The following CTNNA2 variants were observed in gnomAD, a reference collection of about 807,000 sequenced individuals.
CTNNA2 encodes catenin alpha 2.
A neutral mutation model predicts 101.0 loss-of-function variants in CTNNA2; 42 were observed. The ratio of observed to expected loss-of-function variants is 0.42; its 90% CI spans 0.32 to 0.54. CTNNA2 has a LOEUF of 0.54. Ranked by LOEUF, CTNNA2 falls within the 20% of genes least tolerant of loss-of-function variation. The pLI is 0.14. For missense variants in CTNNA2, 871 were observed against 1,223.1 expected, an observed-to-expected ratio of 0.71 and a Z score of 4.29; for synonymous variants, 450 against 456.4, an observed-to-expected ratio of 0.99 and a Z score of 0.18.
intron 7 of CTNNA2, among the ~76,000 whole-genome samples, chr2:80,195,499 T>C (rs965007552): frequency 6.6e-6 from 1 of 152,096 alleles, no homozygotes; most frequent in Non-Finnish European, 1.5e-5. Flanking sequence ...AAGTTTACAA[T>C]CTTAGTCCTC....
chr2:80,002,889 C>T (rs1693054860), intron 7 of CTNNA2, among the ~76,000 whole-genome samples: 1 of 152,078 alleles, frequency 6.6e-6, no homozygotes, highest in African/African-American at 2.4e-5. Flanking sequence ...CCTTTATTTC[C>T]AGCCACACAC....
At chr2:79,619,005 A>G (rs1479719878) in intron 1 of CTNNA2, among the ~76,000 whole-genome samples, 4 of 152,232 alleles carry the variant, frequency 2.6e-5, no homozygotes, top group African/African-American at 9.6e-5. Flanking sequence ...CAGTAGTTCT[A>G]GACTACCATG....
chr2:79,904,170 C>A (rs1228027165), intron 6 of CTNNA2, among the ~76,000 whole-genome samples: 2 of 152,128 alleles, frequency 1.3e-5, no homozygotes, highest in African/African-American at 4.8e-5. Context: ...TACTTTCTAC[C>A]TCTCAACTGT....
At chr2:79,762,784 A>G (rs1343490390) in intron 3 of CTNNA2, among the ~76,000 whole-genome samples, 2 of 152,198 alleles carry the variant, frequency 1.3e-5, no homozygotes, top group African/African-American at 4.8e-5. Flanking sequence ...AAAATGTGCA[A>G]TAGTATGAGC....
chr2:79,527,413 C>T (rs944048367), intron 1 of CTNNA2, among the ~76,000 whole-genome samples: 1 of 137,446 alleles, frequency 7.3e-6, no homozygotes, highest in African/African-American at 2.8e-5. Flanking sequence ...CGGTGGATCA[C>T]AAGGTCAGGA....
chr2:80,050,109 G>T (rs572403469), intron 7 of CTNNA2, among the ~76,000 whole-genome samples: 1 of 152,072 alleles, frequency 6.6e-6, no homozygotes, highest in African/African-American at 2.4e-5. Context: ...CTGCCCATTC[G>T]AGTTACCTAT....
At chr2:79,934,047 T>C (rs1055170814) in intron 7 of CTNNA2, among the ~76,000 whole-genome samples, 3 of 152,330 alleles carry the variant, frequency 2.0e-5, no homozygotes, top group East Asian at 1.9e-4. Context: ...AAGCTGTAAC[T>C]ATAAACTTTG....
At chr2:80,512,149 CAAAAA>C (rs59359924) in intron 9 of CTNNA2, among the ~76,000 whole-genome samples, 4 of 73,512 alleles carry the variant, frequency 5.4e-5, no homozygotes, top group Non-Finnish European at 6.9e-5. Context: ...CACTCTGTCT[CAAAAA>C]AAAAAAAAAA....
intron 3 of CTNNA2, among the ~76,000 whole-genome samples, chr2:79,836,127 T>C (rs978878671): frequency 6.6e-6 from 1 of 152,140 alleles, no homozygotes; most frequent in African/African-American, 2.4e-5. Flanking sequence ...CTCCTGCCAA[T>C]TGGGTTTAAT....
chr2:79,630,970 T>C (rs1185696997), intron 1 of CTNNA2, among the ~76,000 whole-genome samples: 1 of 150,482 alleles, frequency 6.6e-6, no homozygotes, highest in East Asian at 1.9e-4. Flanking sequence ...ACTTCTTCAC[T>C]GAAAGCTGGT....
chr2:80,315,826 A>C (rs1394628614), intron 7 of CTNNA2, among the ~76,000 whole-genome samples: 1 of 152,178 alleles, frequency 6.6e-6, no homozygotes, highest in Non-Finnish European at 1.5e-5. Context: ...AAATGCTTTA[A>C]AGTGATTTTT....
intron 2 of CTNNA2, among the ~76,000 whole-genome samples, chr2:79,654,687 G>A (rs1415941013): frequency 5.9e-5 from 9 of 152,020 alleles, no homozygotes; most frequent in Non-Finnish European, 2.9e-5. Flanking sequence ...CAAATTCCAG[G>A]GATTAGAATG....
intron 2 of CTNNA2, among the ~76,000 whole-genome samples, chr2:79,245,404 C>T (rs1253443624): frequency 6.6e-6 from 1 of 152,180 alleles, no homozygotes; most frequent in Non-Finnish European, 1.5e-5. Context: ...CAGCTGAGAT[C>T]GTGCCACTGC....
chr2:79,705,803 T>C (rs952916996), intron 2 of CTNNA2, among the ~76,000 whole-genome samples: 7 of 152,202 alleles, frequency 4.6e-5, no homozygotes, highest in Admixed American at 2.6e-4. Context: ...TTCTCTACTA[T>C]CTAGCACACT....
chr2:79,911,047 T>A (rs1210277007), intron 7 of CTNNA2, among the ~76,000 whole-genome samples: 4 of 152,170 alleles, frequency 2.6e-5, no homozygotes, highest in African/African-American at 9.7e-5. Flanking sequence ...TGTGGATGCA[T>A]CATGTGGCAC....
intron 3 of CTNNA2, among the ~76,000 whole-genome samples, chr2:79,846,562 T>C (rs927766902): frequency 6.6e-6 from 1 of 152,218 alleles, no homozygotes; most frequent in Non-Finnish European, 1.5e-5. Context: ...AGGCTTCAAC[T>C]ATATGGACTA....
chr2:79,634,740 G>A (rs1204435049), intron 1 of CTNNA2: 2 of 152,368 alleles, frequency 1.3e-5, no homozygotes, highest in Non-Finnish European at 2.9e-5. Context: ...CTGGCCTATG[G>A]AAGGAATGAC....
chr2:80,151,419 C>T (rs1703689541), intron 7 of CTNNA2, among the ~76,000 whole-genome samples: 1 of 152,180 alleles, frequency 6.6e-6, no homozygotes, highest in Non-Finnish European at 1.5e-5. Flanking sequence ...TATTGCTTCT[C>T]TTTGAGGCTT....
chr2:80,000,866 G>T (rs1692900652), intron 7 of CTNNA2, among the ~76,000 whole-genome samples: 1 of 152,156 alleles, frequency 6.6e-6, no homozygotes, highest in South Asian at 2.1e-4. Flanking sequence ...AGCGGGGAAG[G>T]GTGAGTGAGC....
Sources: allele counts gnomAD v4.1 joint callset (sites outside exome capture counted in the v4.1 genomes callset), GRCh38; gene constraint gnomAD v4.1.1; transcripts MANE v1.5; gene names NCBI Gene and HGNC (gene_info 2026-07-23, HGNC 2026-07-21).